The following IL1RAPL1 variants were observed in gnomAD, a reference collection of about 807,000 sequenced individuals.
IL1RAPL1 encodes interleukin-1 receptor accessory protein-like 1.
Under a neutral mutation model 48.4 loss-of-function variants are expected in IL1RAPL1, and 3 were observed. That is an observed-to-expected ratio of 0.06 (90% CI 0.03 to 0.16). The LOEUF (loss-of-function observed/expected upper bound fraction) is 0.16, where lower values mean the gene tolerates loss of function less well. Ranked by LOEUF, IL1RAPL1 falls within the 10% of genes least tolerant of loss-of-function variation. The pLI, the probability that IL1RAPL1 is intolerant of heterozygous loss-of-function variation, is 1.00. For missense variants in IL1RAPL1, 349 were observed against 530.6 expected (o/e 0.66, Z 3.36); for synonymous variants, 185 against 187.7 (o/e 0.99, Z 0.12).
intron 1 of IL1RAPL1, among the ~76,000 whole-genome samples, chrX:28,663,503 C>A (rs1310926809): frequency 1.8e-5 from 2 of 112,029 alleles, no homozygotes. Context: ...TTTCATTTTT[C>A]AAGTCATTGG....
intron 5 of IL1RAPL1, among the ~76,000 whole-genome samples, chrX:29,436,018 A>G (rs1934478231): frequency 9.1e-6 from 1 of 109,814 alleles, no homozygotes; most frequent in South Asian, 3.8e-4. Context: ...TTTACATAAT[A>G]CCAATATATA....
chrX:29,612,779 G>T (rs1159802508), intron 5 of IL1RAPL1, among the ~76,000 whole-genome samples: 1 of 112,019 alleles, frequency 8.9e-6, no homozygotes, highest in Non-Finnish European at 1.9e-5. Context: ...TAAGCTACAG[G>T]TTACTTTTTT....
chrX:29,914,872 A>C (rs1173380327), intron 6 of IL1RAPL1, among the ~76,000 whole-genome samples: 1 of 112,659 alleles, frequency 8.9e-6, no homozygotes, highest in Non-Finnish European at 1.9e-5. Context: ...AAGGAGAGGG[A>C]ATTTTATACT....
intron 2 of IL1RAPL1, among the ~76,000 whole-genome samples, chrX:28,817,718 A>G (rs1257456430): frequency 1.8e-5 from 2 of 111,495 alleles, no homozygotes; most frequent in Non-Finnish European, 3.8e-5. Flanking sequence ...CCAAGTGCAC[A>G]TTACTAGTCA....
chrX:29,230,529 A>AAAAAAAAAAAAAAAAAAAAAAAAAAAC (rs869274263), intron 2 of IL1RAPL1, among the ~76,000 whole-genome samples: 3 of 98,638 alleles, frequency 3.0e-5, no homozygotes, highest in African/African-American at 1.1e-4. Context: ...AAAAAAAAAA[A>AAAAAAAAAAAAAAAAAAAAAAAAAAAC]AAAAAACCTT....
chrX:29,899,633 T>C (rs1246198479), intron 6 of IL1RAPL1, among the ~76,000 whole-genome samples: 1 of 106,055 alleles, frequency 9.4e-6, no homozygotes. Context: ...AGCCTCCCCC[T>C]CCTGGGTTCA....
intron 6 of IL1RAPL1, among the ~76,000 whole-genome samples, chrX:29,706,784 A>G (rs1927212537): frequency 8.9e-6 from 1 of 112,030 alleles, no homozygotes; most frequent in African/African-American, 3.2e-5. Flanking sequence ...CTCACTTTAT[A>G]CAAAAATCAA....
chrX:28,733,152 A>G (rs1274289376), intron 1 of IL1RAPL1, among the ~76,000 whole-genome samples: 1 of 110,376 alleles, frequency 9.1e-6, no homozygotes, highest in Non-Finnish European at 1.9e-5. Context: ...ATATATATAC[A>G]TACTTAGGAC....
chrX:29,205,326 A>G (rs1430236297), intron 2 of IL1RAPL1, among the ~76,000 whole-genome samples: 1 of 112,185 alleles, frequency 8.9e-6, no homozygotes, highest in Non-Finnish European at 1.9e-5. Flanking sequence ...TGCAATTCAA[A>G]CATTCGAATT....
intron 3 of IL1RAPL1, among the ~76,000 whole-genome samples, chrX:29,320,627 A>G (rs1932797274): frequency 9.1e-6 from 1 of 110,067 alleles, no homozygotes; most frequent in African/African-American, 3.3e-5. Context: ...ATACAAAAAA[A>G]TTACCCGGGC....
chrX:29,685,334 C>G (rs1270239093), intron 6 of IL1RAPL1, among the ~76,000 whole-genome samples: 1 of 110,403 alleles, frequency 9.1e-6, no homozygotes, highest in Non-Finnish European at 1.9e-5. Flanking sequence ...GAAACCCCAT[C>G]TTGACTAAAA....
At chrX:29,803,525 A>G (rs1406441098) in intron 6 of IL1RAPL1, among the ~76,000 whole-genome samples, 3 of 98,905 alleles carry the variant, frequency 3.0e-5, no homozygotes, top group African/African-American at 1.1e-4. Context: ...GTATATATGT[A>G]TATATGTATA....
At chrX:28,831,651 A>G (rs67438377) in intron 2 of IL1RAPL1, among the ~76,000 whole-genome samples, 12,353 of 110,545 alleles carry the variant, frequency 0.11, 1,186 homozygotes, top group East Asian at 0.31. Flanking sequence ...TATTTTTACT[A>G]AAAGTCAGCC....
intron 6 of IL1RAPL1, among the ~76,000 whole-genome samples, chrX:29,743,408 G>A (rs1477970176): frequency 4.5e-5 from 5 of 110,516 alleles, no homozygotes; most frequent in African/African-American, 1.3e-4. Flanking sequence ...ATTAAACTAC[G>A]GGCAAATATA....
chrX:29,297,844 C>A (rs1435582828), intron 3 of IL1RAPL1, among the ~76,000 whole-genome samples: 1 of 111,574 alleles, frequency 9.0e-6, no homozygotes, highest in Non-Finnish European at 1.9e-5. Flanking sequence ...GATTTTAATA[C>A]AATTATTTTT....
At chrX:29,900,170 T>C (rs774489262) in intron 6 of IL1RAPL1, among the ~76,000 whole-genome samples, 5 of 111,864 alleles carry the variant, frequency 4.5e-5, no homozygotes, top group Non-Finnish European at 7.5e-5. Flanking sequence ...AAAATCCTTC[T>C]AGGCAGAAAA....
At chrX:28,612,041 T>C (rs1210993445) in intron 1 of IL1RAPL1, among the ~76,000 whole-genome samples, 1 of 111,919 alleles carries the variant, frequency 8.9e-6, no homozygotes, top group Non-Finnish European at 1.9e-5. Context: ...GTTGAGGAAT[T>C]GCACCAGAAA....
At chrX:28,962,522 T>C (rs1190003039) in intron 2 of IL1RAPL1, among the ~76,000 whole-genome samples, 1 of 111,587 alleles carries the variant, frequency 9.0e-6, no homozygotes, top group East Asian at 2.8e-4. Context: ...CATTTGATTT[T>C]AATTATGTCA....
chrX:28,635,908 G>A (rs1246753266), intron 1 of IL1RAPL1, among the ~76,000 whole-genome samples: 2 of 112,042 alleles, frequency 1.8e-5, no homozygotes, highest in African/African-American at 6.5e-5. Flanking sequence ...TCCTTCACAA[G>A]TACAGTGTTT....
Sources: allele counts gnomAD v4.1 joint callset (sites outside exome capture counted in the v4.1 genomes callset), GRCh38; gene constraint gnomAD v4.1.1; transcripts MANE v1.5; gene names NCBI Gene and HGNC (gene_info 2026-07-23, HGNC 2026-07-21).